Variants in FANCI observed in about 807,000 individuals in gnomAD.
The protein encoded by FANCI is Fanconi anemia group I protein.
In FANCI, 156 loss-of-function variants were observed where a neutral mutation model predicts 176.1. The ratio of observed to expected loss-of-function variants is 0.89; its 90% CI spans 0.78 to 1.01. FANCI has a LOEUF of 1.01. Among genes scored for constraint, FANCI ranks in the 50% least tolerant of loss-of-function variants. FANCI has a pLI of 0.00. For missense variants in FANCI, 1,678 were observed against 1,534.1 expected, an observed-to-expected ratio of 1.09 and a Z score of -1.57; for synonymous variants, 613 against 541.7, an observed-to-expected ratio of 1.13 and a Z score of -1.83.
intron 34 of FANCI, among the ~76,000 whole-genome samples, chr15:89,309,803 T>C (rs1041453249): frequency 6.6e-6 from 1 of 152,182 alleles, no homozygotes; most frequent in Non-Finnish European, 1.5e-5. Context: ...TTTAAAAAAA[T>C]AACAAATGTT....
chr15:89,296,773 C>T (rs2054293845), intron 24 of FANCI, among the ~76,000 whole-genome samples: 1 of 151,500 alleles, frequency 6.6e-6, no homozygotes, highest in Admixed American at 6.5e-5. Flanking sequence ...AGGGGCCCCT[C>T]ACCTCCCAGA....
Position 89,316,501 on chromosome 15 carries a change from C to A in FANCI, c.*42C>A. ...AATGTGAACTTTGGGGCTTCTGCTT[C>A]ATTTTTACCCAACAAGCAACAATGC... On this transcript the variant is annotated 3_prime_UTR_variant, in exon 38 of 38. Transcript: ENST00000310775. 2 of 1,568,064 alleles carry A rather than the reference C, an allele frequency of 1.3e-6. No individual in the cohort carries two copies. Among genetic ancestry groups the A allele is most frequent in the Non-Finnish European group, 1.7e-6 (2 of 1,150,144 alleles).
In FANCI at chr15:89,314,636, C is replaced by G. The variant is rs577553815; in HGVS notation, c.3745C>G (p.Pro1249Ala). ...GGCCAGAGTTCTTCGGGAAACCAAG[C>G]CAATCCCTAACCTCATCTTTGCCAT... Reference protein sequence around the residue: ...AMARVLRETKPIPNLIFAIEQ... With the variant: ...AMARVLRETKAIPNLIFAIEQ... The change falls in exon 36 of 38, where the codon CCA (proline) becomes GCA (alanine). Residue 1249 changes from proline to alanine, a missense_variant. By Grantham distance (27) the Pro-to-Ala change is conservative. Around this residue, in one of 3 missense-constraint regions of FANCI, gnomAD observed 1,204 missense variants for 1,077.4 expected, o/e 1.12. Coordinates refer to ENST00000310775, the MANE Select transcript of FANCI (RefSeq NM_001113378.2). The G allele has an allele frequency of 1.2e-6, 2 of 1,614,076 alleles. No homozygotes were observed. Among genetic ancestry groups the G allele is most frequent in the African/African-American group, 1.3e-5 (1 of 75,036 alleles).
Position 89,315,917 on chromosome 15 carries a change from T to C in FANCI, c.3925-480T>C, listed in dbSNP as rs368750378. On this transcript the variant is annotated intron_variant, in intron 37 of 37. Coordinates refer to ENST00000310775, the MANE Select transcript of FANCI (RefSeq NM_001113378.2). ...TTTCCTTACTTCTAGCACCTAAAAT[T>C]TTCATCTTAGGTTTGTCTAATAAGT... 9.2e-5 allele frequency among the ~76,000 whole-genome samples: 14 copies of C among 152,298 alleles called. No homozygotes were observed. In the East Asian group the frequency reaches 2.3e-3, roughly 25 times the overall value.
At chr15:89,245,320 C>T (rs1368968804) in intron 1 of FANCI, 10 of 142,338 alleles carry the variant, frequency 7.0e-5, no homozygotes, top group African/African-American at 2.1e-4. Context: ...AGGTGCGTGC[C>T]GTCACGCCCA....
intron 24 of FANCI, among the ~76,000 whole-genome samples, chr15:89,297,472 T>C (rs895954344): frequency 3.9e-5 from 6 of 151,960 alleles, no homozygotes; most frequent in Admixed American, 2.0e-4. Flanking sequence ...CTGGGCACCA[T>C]TGAGCACTGA....
chr15:89,260,564 GC>G, intron 3 of FANCI, 148 bp from the exon 4 acceptor site: 1 of 969,710 alleles, frequency 1.0e-6, no homozygotes, highest in Non-Finnish European at 1.6e-6. Context: ...CTTTTTCAAA[GC>G]CCTTAACCAT....
chr15:89,267,935 AGATG>A (rs1431846874), intron 9 of FANCI, among the ~76,000 whole-genome samples: 1 of 152,184 alleles, frequency 6.6e-6, no homozygotes, highest in Non-Finnish European at 1.5e-5. Context: ...TCAGATAAAT[AGATG>A]GATAGATAGA....
At chr15:89,294,409 G>A (rs888041950) in intron 23 of FANCI, among the ~76,000 whole-genome samples, 22 of 152,056 alleles carry the variant, frequency 1.4e-4, no homozygotes, top group African/African-American at 3.9e-4. Flanking sequence ...GATATGGTGC[G>A]ACCTCATCTC....
At chr15:89,299,160 ACT>A (rs1405611191) in intron 24 of FANCI, among the ~76,000 whole-genome samples, 1 of 137,918 alleles carries the variant, frequency 7.3e-6, no homozygotes, top group African/African-American at 2.6e-5. Flanking sequence ...ACAGAGTGAG[ACT>A]CTGTCTCAAA....
chr15:89,285,556 G>A (rs1273465302), intron 18 of FANCI, among the ~76,000 whole-genome samples: 1 of 152,234 alleles, frequency 6.6e-6, no homozygotes, highest in Non-Finnish European at 1.5e-5. Context: ...CAGTGAGGCT[G>A]CAGTGAGCTA....
At chr15:89,292,574 C>T (rs2054109136) in intron 20 of FANCI, 114 bp from the exon 21 acceptor site, 1 of 1,045,740 alleles carries the variant, frequency 9.6e-7, no homozygotes, top group Admixed American at 2.0e-5. Context: ...TTTGTAACGC[C>T]AATGAATCAT....
chr15:89,271,056 T>C (rs752426635), intron 10 of FANCI, among the ~76,000 whole-genome samples: 7 of 152,190 alleles, frequency 4.6e-5, no homozygotes, highest in Non-Finnish European at 1.0e-4. Flanking sequence ...CAGTCTGTTG[T>C]TTTCTTTTTG....
At chr15:89,276,059 C>G (rs999574232) in intron 12 of FANCI, among the ~76,000 whole-genome samples, 1 of 152,164 alleles carries the variant, frequency 6.6e-6, no homozygotes, top group African/African-American at 2.4e-5. Flanking sequence ...TTCTGTAGTG[C>G]TGCATTATAA....
In FANCI at chr15:89,263,981, A is replaced by G. The variant is rs1272778306; in HGVS notation, c.624A>G (p.Gln208=). 6.2e-7 allele frequency: 1 copy of G among 1,614,116 alleles called. No homozygotes were observed. The highest frequency in any genetic ancestry group is 8.5e-7 in the Non-Finnish European group (1 of 1,179,964). ...ALSMFSKMNL[Q]EIPPLVYQLL... is the part of the protein sequence containing the mutation. Reference sequence around the variant, plus strand: ...GCATGTTCTCCAAGATGAATCTTCAAGAAATACCACCTTTGGTCTATCAGC... The same window carrying G: ...GCATGTTCTCCAAGATGAATCTTCAGGAAATACCACCTTTGGTCTATCAGC... Residue 208 remains glutamine (Q), a synonymous_variant, in exon 8 of 38, where the codon CAA becomes CAG. Transcript: ENST00000310775.
At chr15:89,260,079 G>T (rs2052651555) in intron 3 of FANCI, among the ~76,000 whole-genome samples, 1 of 152,022 alleles carries the variant, frequency 6.6e-6, no homozygotes, top group Non-Finnish European at 1.5e-5. Flanking sequence ...GGCTGGATTA[G>T]GATGCCAATT....
chr15:89,270,092 T>C (rs2053141527), intron 10 of FANCI, among the ~76,000 whole-genome samples: 1 of 152,212 alleles, frequency 6.6e-6, no homozygotes, highest in South Asian at 2.1e-4. Context: ...ATTACAGGCG[T>C]GAGCCACTGC....
rs34447883 is a variant in FANCI, at chr15:89,265,998, CT to C, written c.755+1409del. ...ATTTATTAGAGGTGGTTTCTTATTT[CT>C]TTTTTTTTTTTTTTTTTAAGAGTGT... On this transcript the variant is annotated intron_variant, in intron 9 of 37. Transcript: ENST00000310775. Among the ~76,000 whole-genome samples, 921 of 131,998 alleles carry C rather than the reference CT, an allele frequency of 7.0e-3. 4 individuals are homozygous for C. The highest frequency in any genetic ancestry group is 0.019 in the African/African-American group (669 of 36,000). The allele number at this position is 131,998 out of a possible 152,430, so 86.6% of individuals were successfully genotyped here.
At chr15:89,287,766 T>C (rs1181603621) in intron 18 of FANCI, among the ~76,000 whole-genome samples, 1 of 152,176 alleles carries the variant, frequency 6.6e-6, no homozygotes, top group Non-Finnish European at 1.5e-5. Context: ...TCTCAGTGAA[T>C]AGGGAGGCCT....
Sources: gnomAD v4.1 joint callset for allele counts (sites outside exome capture counted in the v4.1 genomes callset) on GRCh38, gnomAD v4.1.1 for gene constraint, gnomAD v4.1.1 regional missense constraint, MANE v1.5 for transcripts, NCBI Gene and HGNC (gene_info 2026-07-23, HGNC 2026-07-21) for gene names.